ZSCAN4: variants seen among roughly 807,000 people sequenced by gnomAD.
ZSCAN4 encodes zinc finger and SCAN domain-containing protein 4.
A neutral mutation model predicts 18.3 loss-of-function variants in ZSCAN4; 18 were observed. That is an observed-to-expected ratio of 0.98 (90% CI 0.68 to 1.46). ZSCAN4 has a LOEUF of 1.46. ZSCAN4 is among the 40% of genes most tolerant of loss of function. The probability of loss-of-function intolerance (pLI) is 0.00; values close to 1 mark genes in which losing one functional copy is unlikely to be tolerated. For synonymous variants in ZSCAN4, 193 were observed against 180.3 expected (o/e 1.07, Z -0.57); for missense variants, 498 against 511.4 (o/e 0.97, Z 0.25).
chr19:57,655,648 T>C, the ZSCAN4 span, among the ~76,000 whole-genome samples: 1 of 152,098 alleles, frequency 6.6e-6, no homozygotes, highest in Admixed American at 6.5e-5. Flanking sequence ...CTATCTTACT[T>C]ACAACAAACA....
At position 57,676,577 on chromosome 19, in the gene ZSCAN4, A is replaced by C. The variant is rs187032129; in HGVS notation, c.396+36A>C. ...GGTTCTAACTTCTGGGATGAGAGAC[A>C]AAGGAAAGTAAGGAATAAATCACAG... On this transcript the variant is annotated intron_variant, in intron 3 of 4. Coordinates refer to ENST00000318203, the Ensembl canonical transcript of ZSCAN4. 4,280 of 1,554,818 alleles carry C rather than the reference A, an allele frequency of 2.8e-3. 11 individuals carry two copies. Among genetic ancestry groups the C allele is most frequent in the Non-Finnish European group, 3.4e-3 (3,887 of 1,153,266 alleles).
chr19:57,664,930 C>A, upstream of ZSCAN4: 2 of 156,904 alleles, frequency 1.3e-5, no homozygotes, highest in South Asian at 3.5e-4. Flanking sequence ...GCGTGCTGGT[C>A]GTGGAGCGCC....
chr19:57,658,905 A>G, the ZSCAN4 span, among the ~76,000 whole-genome samples: 3 of 152,082 alleles, frequency 2.0e-5, no homozygotes, highest in African/African-American at 7.2e-5. Flanking sequence ...TTAATCTTAT[A>G]AAGAACATCT....
chr19:57,659,735 C>T, the ZSCAN4 span, among the ~76,000 whole-genome samples: 13 of 152,292 alleles, frequency 8.5e-5, no homozygotes, highest in South Asian at 2.7e-3. Context: ...CCAAAACCTT[C>T]AAAGCGGCCA....
chr19:57,658,319 G>A, the ZSCAN4 span, among the ~76,000 whole-genome samples: 1 of 152,118 alleles, frequency 6.6e-6, no homozygotes, highest in Non-Finnish European at 1.5e-5. Flanking sequence ...CTCAGATCTG[G>A]GCCTAGGAGG....
chr19:57,675,472 G>C (rs1469274905), intron 2 of ZSCAN4, among the ~76,000 whole-genome samples: 1 of 152,088 alleles, frequency 6.6e-6, no homozygotes, highest in Non-Finnish European at 1.5e-5. Flanking sequence ...AGTAGAGATG[G>C]TGCCTCACCA....
At chr19:57,665,639 G>T (rs576348536), upstream of ZSCAN4, among the ~76,000 whole-genome samples, 66 of 152,172 alleles carry the variant, frequency 4.3e-4, no homozygotes, top group Non-Finnish European at 7.2e-4. Flanking sequence ...TTAATCCAAG[G>T]CCGGGCGCGG....
chr19:57,652,819 C>T, the ZSCAN4 span, among the ~76,000 whole-genome samples: 2 of 152,222 alleles, frequency 1.3e-5, no homozygotes, highest in African/African-American at 4.8e-5. Context: ...AGAGACTCAG[C>T]TCTTTTTCCA....
At chr19:57,678,014 C>A (rs750928842) in exon 4 of ZSCAN4, 1 of 1,602,436 alleles carries the variant, frequency 6.2e-7, no homozygotes, top group African/African-American at 1.3e-5. Flanking sequence ...GCCCAAACCA[C>A]AAGAGAAGCA....
chr19:57,668,165 A>G (rs912965018), upstream of ZSCAN4, among the ~76,000 whole-genome samples: 1 of 152,012 alleles, frequency 6.6e-6, no homozygotes, highest in African/African-American at 2.4e-5. Flanking sequence ...CGGCCTCCCA[A>G]AGTGCTGGGA....
At chr19:57,678,772 A>G in exon 5 of ZSCAN4, 1 of 1,614,196 alleles carries the variant, frequency 6.2e-7, no homozygotes, top group Non-Finnish European at 8.5e-7. Context: ...GAGAGAATCC[A>G]CACAGGAGAA....
chr19:57,658,293 A>G, the ZSCAN4 span, among the ~76,000 whole-genome samples: 1 of 152,218 alleles, frequency 6.6e-6, no homozygotes, highest in Non-Finnish European at 1.5e-5. Context: ...AAGTGGCAAA[A>G]TGCAAATGAG....
chr19:57,673,224 T>C (rs1984077231), intron 2 of ZSCAN4, among the ~76,000 whole-genome samples: 1 of 151,972 alleles, frequency 6.6e-6, no homozygotes, highest in East Asian at 1.9e-4. Context: ...AATTTTTGTA[T>C]TTTTAGTAGA....
chr19:57,651,552 C>T, the ZSCAN4 span, among the ~76,000 whole-genome samples: 1 of 152,208 alleles, frequency 6.6e-6, no homozygotes, highest in African/African-American at 2.4e-5. Flanking sequence ...GACTCCAGCG[C>T]TAGCTGGTGT....
chr19:57,667,046 G>A (rs2122282462), upstream of ZSCAN4, among the ~76,000 whole-genome samples: 1 of 152,304 alleles, frequency 6.6e-6, no homozygotes. Flanking sequence ...GATGCTGGAT[G>A]TAAACGGGTC....
upstream of ZSCAN4, chr19:57,664,782 C>G (rs181845185): frequency 9.3e-6 from 2 of 214,760 alleles, no homozygotes; most frequent in Non-Finnish European, 2.0e-5. Flanking sequence ...CAAACGTACC[C>G]TGTGCCAATT....
chr19:57,676,140 C>G (rs770106495), exon 3 of ZSCAN4: 1 of 1,594,768 alleles, frequency 6.3e-7, no homozygotes, highest in East Asian at 2.2e-5. Context: ...AGAATTATTG[C>G]TAAGAATGGC....
the ZSCAN4 span, among the ~76,000 whole-genome samples, chr19:57,663,502 G>A: frequency 2.0e-5 from 2 of 101,980 alleles, no homozygotes; most frequent in Non-Finnish European, 3.7e-5. Flanking sequence ...TCTGCACAAC[G>A]TGGTAAAACC....
the ZSCAN4 span, among the ~76,000 whole-genome samples, chr19:57,651,790 T>C: frequency 6.6e-6 from 1 of 152,144 alleles, no homozygotes; most frequent in African/African-American, 2.4e-5. Context: ...TTCCTACCAC[T>C]TTCCCTTTTC....
Sources: allele counts gnomAD v4.1 joint callset (sites outside exome capture counted in the v4.1 genomes callset), GRCh38; gene constraint gnomAD v4.1.1; transcripts MANE v1.5; gene names NCBI Gene and HGNC (gene_info 2026-07-23, HGNC 2026-07-21).